The following IMMP2L variants were observed in gnomAD, a reference collection of about 807,000 sequenced individuals.
IMMP2L encodes the protein mitochondrial inner membrane protease subunit 2.
In IMMP2L, 18 loss-of-function variants were observed where a neutral mutation model predicts 19.3. The ratio of observed to expected loss-of-function variants is 0.93; its 90% confidence interval spans 0.64 to 1.38. The LOEUF (loss-of-function observed/expected upper bound fraction) is 1.38, where lower values mean the gene tolerates loss of function less well. Ranked by LOEUF, IMMP2L falls within the 40% of genes most tolerant of loss-of-function variation. IMMP2L has a pLI of 0.00. For missense variants in IMMP2L, 233 were observed against 218.2 expected, an observed-to-expected ratio of 1.07 and a Z score of -0.43; for synonymous variants, 76 against 73.0, an observed-to-expected ratio of 1.04 and a Z score of -0.21.
intron 3 of IMMP2L, among the ~76,000 whole-genome samples, chr7:111,202,769 CAAT>C (rs1427389334): frequency 6.6e-6 from 1 of 151,660 alleles, no homozygotes; most frequent in Non-Finnish European, 1.5e-5. Context: ...CTAGTTGACC[CAAT>C]AATGATTGAT....
chr7:110,927,801 G>T (rs1294636201), intron 4 of IMMP2L, among the ~76,000 whole-genome samples: 3 of 152,102 alleles, frequency 2.0e-5, no homozygotes, highest in Non-Finnish European at 2.9e-5. Context: ...GTGATAAATT[G>T]TTGCAGCAGC....
At chr7:110,666,210 C>A (rs1434708532) in intron 5 of IMMP2L, among the ~76,000 whole-genome samples, 2 of 152,134 alleles carry the variant, frequency 1.3e-5, no homozygotes, top group Non-Finnish European at 2.9e-5. Flanking sequence ...GCTTACCTTG[C>A]ACCTAATACC....
At position 111,268,569 on chromosome 7, in the gene IMMP2L, C is replaced by CTTTTTTTTTTTTTTT. The variant is rs762576425; in HGVS notation, c.239+218654_239+218668dup. Among the ~76,000 whole-genome samples the CTTTTTTTTTTTTTTT allele has an allele frequency of 4.3e-4, 19 of 44,590 alleles. 4 individuals carry two copies. The highest frequency in any genetic ancestry group is 7.4e-4 in the Admixed American group (2 of 2,710). 29.3% of individuals were successfully genotyped at this position (44,590 alleles called of 152,430 possible). Reference sequence around the variant, plus strand: ...GATATGAGTTAAACTTCACATTTCTCTTTTTTTTTTTTTTTTTTTTTTTTT... The same window carrying CTTTTTTTTTTTTTTT: ...GATATGAGTTAAACTTCACATTTCTCTTTTTTTTTTTTTTTTTTTTTTTTTTTTTTTTTTTTTTTT... On this transcript the variant is annotated intron_variant, in intron 3 of 5. Coordinates refer to ENST00000405709, the MANE Select transcript of IMMP2L (RefSeq NM_032549.4).
intron 4 of IMMP2L, among the ~76,000 whole-genome samples, chr7:110,907,126 T>C (rs258994): frequency 0.55 from 83,739 of 151,906 alleles, 24,932 homozygotes; most frequent in East Asian, 0.85. Context: ...AGTAACACTT[T>C]AGTTTTGCCA....
In IMMP2L at chr7:111,551,740, G is replaced by A. The variant is rs918062195; in HGVS notation, c.-3+10111C>T. ...CAACCTTCTTCATCTGAAGTTTCAG[G>A]GAAGCACAAAGGCTCGAGTTCTGCC... On this transcript the variant is annotated intron_variant, in intron 1 of 5. Coordinates refer to ENST00000405709, the MANE Select transcript of IMMP2L (RefSeq NM_032549.4). 2.6e-5 allele frequency among the ~76,000 whole-genome samples: 4 copies of A among 151,976 alleles called. No homozygotes were observed. In the East Asian group the frequency reaches 7.7e-4, roughly 29 times the overall value.
At chr7:110,980,136 GA>G (rs74322706) in intron 3 of IMMP2L, among the ~76,000 whole-genome samples, 71,007 of 150,830 alleles carry the variant, frequency 0.47, 18,040 homozygotes, top group Non-Finnish European at 0.58. Context: ...CTGTCTTCAT[GA>G]AACCGTCCTT....
chr7:111,445,216 C>A (rs1838202885), intron 3 of IMMP2L, among the ~76,000 whole-genome samples: 1 of 151,908 alleles, frequency 6.6e-6, no homozygotes, highest in Non-Finnish European at 1.5e-5. Flanking sequence ...TCCCCAAGAA[C>A]ACTGCAGGAC....
chr7:110,821,822 C>T (rs900738008), intron 5 of IMMP2L, among the ~76,000 whole-genome samples: 1 of 152,070 alleles, frequency 6.6e-6, no homozygotes, highest in African/African-American at 2.4e-5. Flanking sequence ...ACTTGGAAGG[C>T]TGAGGCAGGA....
intron 2 of IMMP2L, among the ~76,000 whole-genome samples, chr7:111,507,445 C>G (rs1242808784): frequency 6.6e-6 from 1 of 152,064 alleles, no homozygotes; most frequent in Non-Finnish European, 1.5e-5. Flanking sequence ...TCTTACAGTT[C>G]ACATTTTTAA....
chr7:111,364,596 C>T (rs1253668713), intron 3 of IMMP2L, among the ~76,000 whole-genome samples: 1 of 149,750 alleles, frequency 6.7e-6, no homozygotes, highest in Non-Finnish European at 1.5e-5. Context: ...GATTGCGCCA[C>T]TGCACTCCAG....
chr7:111,119,223 G>C (rs2129586926), intron 3 of IMMP2L, among the ~76,000 whole-genome samples: 1 of 152,260 alleles, frequency 6.6e-6, no homozygotes, highest in East Asian at 1.9e-4. Flanking sequence ...ATTGGACTTT[G>C]TACCTAGGTT....
intron 3 of IMMP2L, among the ~76,000 whole-genome samples, chr7:110,975,367 T>C (rs1183697869): frequency 6.6e-6 from 1 of 152,110 alleles, no homozygotes; most frequent in African/African-American, 2.4e-5. Flanking sequence ...GACTCAGCTG[T>C]TTAGAATGCA....
At chr7:110,979,383 ACT>A in intron 3 of IMMP2L, among the ~76,000 whole-genome samples, 1 of 151,894 alleles carries the variant, frequency 6.6e-6, no homozygotes, top group East Asian at 1.9e-4. Flanking sequence ...TTGTTTTCTA[ACT>A]CTACACATTT....
chr7:111,271,946 C>A (rs1231660068), intron 3 of IMMP2L, among the ~76,000 whole-genome samples: 1 of 152,156 alleles, frequency 6.6e-6, no homozygotes, highest in Non-Finnish European at 1.5e-5. Context: ...TATTACCACA[C>A]TAATCTAAAC....
chr7:110,837,257 A>T (rs1804581690), intron 5 of IMMP2L, among the ~76,000 whole-genome samples: 1 of 152,052 alleles, frequency 6.6e-6, no homozygotes, highest in African/African-American at 2.4e-5. Flanking sequence ...GTTACAGAAT[A>T]TGTGTATGGT....
intron 3 of IMMP2L, among the ~76,000 whole-genome samples, chr7:111,229,348 T>C (rs759554535): frequency 7.9e-5 from 12 of 152,094 alleles, no homozygotes; most frequent in Admixed American, 2.0e-4. Context: ...ATGTATCCAT[T>C]GATACAATCT....
chr7:111,556,040 A>ATATATATATG lies in IMMP2L; in HGVS notation c.-3+5810_-3+5811insCATATATATA, dbSNP rs1264908580. On this transcript the variant is annotated intron_variant, in intron 1 of 5. Coordinates refer to ENST00000405709, the MANE Select transcript of IMMP2L (RefSeq NM_032549.4). ...CATGTATATATATATATATATACAT[A>ATATATATATG]CCCAAAGAAAATGAAACCGCAACCT... 4.3e-5 allele frequency among the ~76,000 whole-genome samples: 6 copies of ATATATATATG among 139,356 alleles called. 2 individuals are homozygous for ATATATATATG. Among genetic ancestry groups the ATATATATATG allele is most frequent in the Admixed American group, 2.9e-4 (4 of 13,620 alleles). The allele number at this position is 139,356 out of a possible 152,430, so 91.4% of individuals were successfully genotyped here.
chr7:111,026,483 GA>G (rs1220805850), intron 3 of IMMP2L, among the ~76,000 whole-genome samples: 1 of 152,024 alleles, frequency 6.6e-6, no homozygotes. Flanking sequence ...ACAGAGAGGG[GA>G]AAATGTGCAA....
At chr7:111,072,667 A>T (rs190743910) in intron 3 of IMMP2L, among the ~76,000 whole-genome samples, 1 of 152,136 alleles carries the variant, frequency 6.6e-6, no homozygotes, top group Admixed American at 6.6e-5. Flanking sequence ...AGGCCGAGGC[A>T]GGCGGATCAC....
Sources: allele counts gnomAD v4.1 joint callset (sites outside exome capture counted in the v4.1 genomes callset), GRCh38; gene constraint gnomAD v4.1.1; transcripts MANE v1.5; gene names NCBI Gene and HGNC (gene_info 2026-07-23, HGNC 2026-07-21).